Variants in PCDH1 observed in about 807,000 individuals in gnomAD.
PCDH1 encodes protocadherin 1, also known as protocadherin-1.
Under a neutral mutation model 74.6 loss-of-function variants are expected in PCDH1, and 23 were observed. The ratio of observed to expected loss-of-function variants is 0.31; its 90% CI spans 0.22 to 0.44. The LOEUF is 0.44. Among genes scored for constraint, PCDH1 ranks in the 20% least tolerant of loss-of-function variants. The probability of loss-of-function intolerance (pLI) is 1.00; values close to 1 mark genes in which losing one functional copy is unlikely to be tolerated. For synonymous variants in PCDH1, 647 were observed against 686.1 expected (o/e 0.94, Z 0.89); for missense variants, 1,214 against 1,641.4 (o/e 0.74, Z 4.50).
At chr5:141,859,739 GC>G (rs143439823) in intron 3 of PCDH1, among the ~76,000 whole-genome samples, 24,567 of 151,942 alleles carry the variant, frequency 0.16, 2,118 homozygotes, top group Middle Eastern at 0.3. Context: ...CACCCCCATT[GC>G]CACCATCATA....
At chr5:141,873,649 G>T (rs1183051442) in intron 1 of PCDH1, among the ~76,000 whole-genome samples, 1 of 147,204 alleles carries the variant, frequency 6.8e-6, no homozygotes, top group Non-Finnish European at 1.5e-5. Context: ...TAGTAGAGAC[G>T]GGGTTTCACC....
In PCDH1 at chr5:141,868,572, G is replaced by A. The variant is rs1394123604; in HGVS notation, c.900C>T (p.Ile300=). The change falls in exon 2 of 5, where the codon ATC becomes ATT. Residue 300 remains isoleucine (I), a synonymous_variant. Transcript: ENST00000287008. The surrounding 1 kb of genome is among the most constrained non-coding windows in gnomAD (Gnocchi z 4.8). ...SENSPIGHSV[I]QVKANDSDQG... is the part of the protein sequence containing the mutation. ...TTATACGGAGGGGGCCTCTCACCTGGATGACCGAGTGGCCTATGGGGCTAT... is the reference window on the plus strand; with the variant it reads ...TTATACGGAGGGGGCCTCTCACCTGAATGACCGAGTGGCCTATGGGGCTAT... The A allele has an allele frequency of 6.5e-7, 1 of 1,528,362 alleles. No homozygotes were observed. Among genetic ancestry groups the A allele is most frequent in the Non-Finnish European group, 8.8e-7 (1 of 1,139,072 alleles). The allele number at this position is 1,528,362 out of a possible 1,614,324, so 94.7% of individuals were successfully genotyped here.
chr5:141,856,609 C>T (rs1324000138), intron 4 of PCDH1, among the ~76,000 whole-genome samples: 1 of 152,136 alleles, frequency 6.6e-6, no homozygotes, highest in Non-Finnish European at 1.5e-5. Flanking sequence ...CCATCCATTC[C>T]CATGCCGACC....
chr5:141,853,914 G>T lies in PCDH1; in HGVS notation c.*128C>A. On this transcript the variant is annotated 3_prime_UTR_variant, in exon 5 of 5. Coordinates refer to ENST00000287008, the MANE Select transcript of PCDH1 (RefSeq NM_032420.5). ...AAGGGCCAGCGTGGTCATGAGGTCA[G>T]TGATACCCCCACTTGGGGCCCTGGC... The T allele has an allele frequency of 2.5e-6, 2 of 805,268 alleles. No homozygotes were observed. The highest frequency in any genetic ancestry group is 3.7e-6 in the Non-Finnish European group (2 of 535,776). The allele number at this position is 805,268 out of a possible 1,614,324, so 49.9% of individuals were successfully genotyped here.
At chr5:141,871,579 T>C (rs1259735998) in intron 1 of PCDH1, among the ~76,000 whole-genome samples, 8 of 152,240 alleles carry the variant, frequency 5.3e-5, no homozygotes. Flanking sequence ...TTTGAGATAC[T>C]GTGGGCTAAA....
In PCDH1 at chr5:141,865,054, T is replaced by G; in HGVS notation, c.1277A>C (p.Glu426Ala). The G allele has an allele frequency of 6.2e-7, 1 of 1,614,076 alleles. No homozygotes were observed. The highest frequency in any genetic ancestry group is 8.5e-7 in the Non-Finnish European group (1 of 1,180,004). The change falls in exon 3 of 5, where the codon GAG becomes GCG. Residue 426 changes from glutamate (E) to alanine (A), a missense_variant. Transcript: ENST00000287008. This position sits in a 1 kb window ranked among gnomAD's most constrained non-coding sequence, Gnocchi z 4.4. ...CACCACACAGGTGACAGCTGCATTC[T>G]CTCCCTCATCTCGGTCAGACACCTG... ...LVQVSDRDEGENAAVTCVVAG... is the reference protein window; with the variant it reads ...LVQVSDRDEGANAAVTCVVAG...
At chr5:141,867,301 C>A (rs1023884789) in intron 2 of PCDH1, among the ~76,000 whole-genome samples, 12 of 152,206 alleles carry the variant, frequency 7.9e-5, no homozygotes, top group Admixed American at 2.0e-4. Context: ...CCTACTCTCC[C>A]GCTTCACCTC....
Position 141,853,932 on chromosome 5 carries a change from G to A in PCDH1, c.*110C>T, listed in dbSNP as rs2126799893. The A allele has an allele frequency of 6.9e-6, 7 of 1,010,510 alleles. No homozygotes were observed. The highest frequency in any genetic ancestry group is 3.4e-4 in the Middle Eastern group (1 of 2,978). The allele number at this position is 1,010,510 out of a possible 1,614,324, so 62.6% of individuals were successfully genotyped here. A position where few individuals can be genotyped will look rare whatever the true frequency, so the allele number is the denominator to read the frequency against. On this transcript the variant is annotated 3_prime_UTR_variant, in exon 5 of 5. Coordinates refer to ENST00000287008, the MANE Select transcript of PCDH1 (RefSeq NM_032420.5). ...GAGGTCAGTGATACCCCCACTTGGG[G>A]CCCTGGCCAGGAAGTCCACGCTGAA...
chr5:141,873,044 A>C (rs1753131265), intron 1 of PCDH1, among the ~76,000 whole-genome samples: 1 of 152,152 alleles, frequency 6.6e-6, no homozygotes, highest in African/African-American at 2.4e-5. Context: ...GAAACCCCCA[A>C]GCAATTGTGA....
rs1444259372 is a variant in PCDH1 at position 141,869,782 on chromosome 5, A to T, written c.41-351T>A. 1 of 985,112 alleles carries T rather than the reference A, an allele frequency of 1.0e-6. No homozygotes were observed. The highest frequency in any genetic ancestry group is 1.2e-6 in the Non-Finnish European group (1 of 829,880). The allele number at this position is 985,112 out of a possible 1,614,324, so 61.0% of individuals were successfully genotyped here. A position where few individuals can be genotyped will look rare whatever the true frequency, so the allele number is the denominator to read the frequency against. ...CTCCTTGCTCTCTGCTCTGTGCTTC[A>T]CCCAACACCTCCTTCTCACGAGCAT... is the stretch of plus-strand genomic sequence containing the variant. On this transcript the variant is annotated intron_variant, in intron 1 of 4. Transcript: ENST00000287008. The surrounding 1 kb of genome is among the most constrained non-coding windows in gnomAD (Gnocchi z 4.9).
chr5:141,865,475 A>C lies in PCDH1; in HGVS notation c.904-48T>G, dbSNP rs1752784515. The C allele has an allele frequency of 1.9e-6, 3 of 1,571,038 alleles. No homozygotes were observed. In the South Asian group the frequency reaches 3.4e-5, roughly 18 times the overall value. On this transcript the variant is annotated intron_variant, in intron 2 of 4. Coordinates refer to ENST00000287008, the MANE Select transcript of PCDH1 (RefSeq NM_032420.5). The surrounding 1 kb of genome is among the most constrained non-coding windows in gnomAD (Gnocchi z 4.4). ...AAGGAGAACAGAGATGGTTTAGATCAGGGATAGCAAATAAAGGGGCACACA... is the reference window on the plus strand; with the variant it reads ...AAGGAGAACAGAGATGGTTTAGATCCGGGATAGCAAATAAAGGGGCACACA...
chr5:141,857,440 G>C lies in PCDH1; in HGVS notation c.3131C>G (p.Thr1044Ser), dbSNP rs572182220. The C allele has an allele frequency of 6.2e-7, 1 of 1,613,816 alleles. No homozygotes were observed. Among genetic ancestry groups the C allele is most frequent in the Non-Finnish European group, 8.5e-7 (1 of 1,179,932 alleles). The change falls in exon 4 of 5, where the codon ACC (threonine) becomes AGC (serine). Residue 1044 changes from threonine to serine, a missense_variant. Thr to Ser is a moderately conservative substitution (Grantham distance 58). Transcript: ENST00000287008. The stretch of plus-strand genomic sequence containing the variant: ...GTCCTGCAGCTCCTGGGCCTGGCTG[G>C]TGGCCGAGAAGGTGACGCGGCGGTG... ...LPHRRVTFSA[T>S]SQAQELQDPS...
chr5:141,856,268 C>G (rs774635205), intron 4 of PCDH1: 76 of 1,492,360 alleles, frequency 5.1e-5, no homozygotes, highest in Non-Finnish European at 6.6e-5. Flanking sequence ...CGGCTCTGCG[C>G]GGGCACAAAA....
rs748891515 is a variant in PCDH1, at chr5:141,869,510, T to C, written c.41-79A>G. ...CCTGAGCTGCCCAGAGCTGGCCCCA[T>C]ACTCACCCTCTCCCACTGACACACG... On this transcript the variant is annotated intron_variant, in intron 1 of 4. Transcript: ENST00000287008. The surrounding 1 kb of genome is among the most constrained non-coding windows in gnomAD (Gnocchi z 4.9). The C allele has an allele frequency of 9.6e-6, 15 of 1,558,242 alleles. No individual in the cohort carries two copies. The African/African-American group carries it at 1.6e-4, about 17-fold the overall frequency.
chr5:141,863,687 C>T lies in PCDH1; in HGVS notation c.2644G>A (p.Ala882Thr). 1 of 1,614,212 alleles carries T rather than the reference C, an allele frequency of 6.2e-7. No homozygotes were observed. The highest frequency in any genetic ancestry group is 8.5e-7 in the Non-Finnish European group (1 of 1,180,030). ...TTACCAGCCTGGTAACCACTTTTGG[C>T]CTCCCGCTGTCTGCAGTAGCGCACA... ...VLVRYCRQRE[A>T]KSGYQAGKKE... Residue 882 changes from alanine (A) to threonine (T), a missense_variant, in exon 3 of 5, where the codon GCC becomes ACC. Ala to Thr is a moderately conservative substitution (Grantham distance 58). Around this residue, in one of 4 missense-constraint regions of PCDH1, gnomAD observed 836 missense variants for 1,182.2 expected, o/e 0.71. Coordinates refer to ENST00000287008, the MANE Select transcript of PCDH1 (RefSeq NM_032420.5). This position sits in a 1 kb window ranked among gnomAD's most constrained non-coding sequence, Gnocchi z 7.5.
At position 141,864,313 on chromosome 5, in the gene PCDH1, A is replaced by G; in HGVS notation, c.2018T>C (p.Phe673Ser). 1 of 1,614,032 alleles carries G rather than the reference A, an allele frequency of 6.2e-7. No homozygotes were observed. Among genetic ancestry groups the G allele is most frequent in the Non-Finnish European group, 8.5e-7 (1 of 1,179,942 alleles). ...GTGTILSSLS[F>S]DREQQSTYTF... is the part of the protein sequence containing the mutation. The stretch of plus-strand genomic sequence containing the variant: ...GTAGGTGCTTTGTTGCTCTCGATCA[A>G]AGCTCAGGCTGGATAGGATGGTGCC... The change falls in exon 3 of 5, where the codon TTT (phenylalanine) becomes TCT (serine). Residue 673 changes from phenylalanine to serine, a missense_variant. Physicochemically the swap from Phe to Ser is radical, Grantham distance 155. Around this residue, in one of 4 missense-constraint regions of PCDH1, gnomAD observed 836 missense variants for 1,182.2 expected, o/e 0.71. Coordinates refer to ENST00000287008, the MANE Select transcript of PCDH1 (RefSeq NM_032420.5). The surrounding 1 kb of genome is among the most constrained non-coding windows in gnomAD (Gnocchi z 5.9).
At position 141,865,738 on chromosome 5, in the gene PCDH1, A is replaced by G. The variant is rs1445634005; in HGVS notation, c.904-311T>C. 6.6e-6 allele frequency among the ~76,000 whole-genome samples: 1 copy of G among 152,220 alleles called. No individual in the cohort carries two copies. Among genetic ancestry groups the G allele is most frequent in the Non-Finnish European group, 1.5e-5 (1 of 68,036 alleles). ...ACTTGTCATTGCTGTATGGGTCCAC[A>G]AAAATACCAGGAGAGGATGAGGATC... On this transcript the variant is annotated intron_variant, in intron 2 of 4. Coordinates refer to ENST00000287008, the MANE Select transcript of PCDH1 (RefSeq NM_032420.5). This position sits in a 1 kb window ranked among gnomAD's most constrained non-coding sequence, Gnocchi z 4.4.
At position 141,862,923 on chromosome 5, in the gene PCDH1, A is replaced by G. The variant is rs970052474; in HGVS notation, c.3099+309T>C. ...CCTCCCCACTTACGCTCACCTGCCT[A>G]CCACCCCCAACCCATAAGGCCCAGT... On this transcript the variant is annotated intron_variant, in intron 3 of 4. Coordinates refer to ENST00000287008, the MANE Select transcript of PCDH1 (RefSeq NM_032420.5). The G allele has an allele frequency of 2.3e-5, 28 of 1,226,688 alleles. No homozygotes were observed. The African/African-American group carries it at 4.0e-4, about 18-fold the overall frequency. The allele number at this position is 1,226,688 out of a possible 1,614,324, so 76.0% of individuals were successfully genotyped here.
At chr5:141,861,997 G>A (rs1232119884) in intron 3 of PCDH1, among the ~76,000 whole-genome samples, 1 of 151,908 alleles carries the variant, frequency 6.6e-6, no homozygotes, top group African/African-American at 2.4e-5. Flanking sequence ...AAGAGTGGGG[G>A]TGCAGGGCAG....
Sources: gnomAD v4.1 joint callset for allele counts (sites outside exome capture counted in the v4.1 genomes callset) on GRCh38, gnomAD v4.1.1 for gene constraint, gnomAD v4.1.1 regional missense constraint, Gnocchi (gnomAD v3.1) non-coding constraint, MANE v1.5 for transcripts, NCBI Gene and HGNC (gene_info 2026-07-23, HGNC 2026-07-21) for gene names.